SYT1: variants seen among roughly 807,000 people sequenced by gnomAD.
SYT1 encodes the protein synaptotagmin 1.
In SYT1, 8 loss-of-function variants were observed where a neutral mutation model predicts 44.8. The observed-to-expected ratio is 0.18, with a 90% CI of 0.10 to 0.32. SYT1 has a LOEUF of 0.32. SYT1 is among the 10% of genes least tolerant of loss of function. SYT1 has a pLI of 1.00. For missense variants in SYT1, 286 were observed against 509.3 expected (o/e 0.56, Z 4.22); for synonymous variants, 154 against 188.8 (o/e 0.82, Z 1.51).
At chr12:79,134,819 C>G (rs1869076984) in intron 3 of SYT1, among the ~76,000 whole-genome samples, 1 of 151,846 alleles carries the variant, frequency 6.6e-6, no homozygotes, top group African/African-American at 2.4e-5. Flanking sequence ...TCTCCAGGGG[C>G]CACCTGGAGA....
chr12:78,898,767 G>A (rs1402535338), intron 1 of SYT1, among the ~76,000 whole-genome samples: 1 of 152,046 alleles, frequency 6.6e-6, no homozygotes, highest in East Asian at 1.9e-4. Flanking sequence ...AATTTACAGT[G>A]AAGAAGAAAC....
chr12:79,190,562 T>G (rs192463151), intron 3 of SYT1, among the ~76,000 whole-genome samples: 1 of 152,256 alleles, frequency 6.6e-6, no homozygotes, highest in East Asian at 1.9e-4. Context: ...ACCATCCTAG[T>G]GCAGTACTCC....
intron 1 of SYT1, among the ~76,000 whole-genome samples, chr12:78,967,785 C>T (rs970804559): frequency 1.3e-5 from 2 of 151,596 alleles, no homozygotes; most frequent in Non-Finnish European, 2.9e-5. Flanking sequence ...AGGAAAGTGC[C>T]GAGGATAAAA....
At chr12:79,009,074 T>G (rs1871264020) in intron 2 of SYT1, among the ~76,000 whole-genome samples, 1 of 152,200 alleles carries the variant, frequency 6.6e-6, no homozygotes, top group African/African-American at 2.4e-5. Context: ...ATATGAGTTG[T>G]TCACTTTCAT....
rs1360832836 is a variant in SYT1 at position 79,292,028 on chromosome 12, T to A, written c.372T>A (p.Ala124=). 6 of 1,613,810 alleles carry A rather than the reference T, an allele frequency of 3.7e-6. No homozygotes were observed. The highest frequency in any genetic ancestry group is 5.1e-6 in the Non-Finnish European group (6 of 1,180,010). Residue 124 remains alanine, a synonymous_variant, in exon 6 of 11, where the codon GCT becomes GCA. Transcript: ENST00000261205. The part of the protein sequence containing the change: ...MKDQALKDDD[A]ETGLTDGEEK... ...CATAGGCCCTCAAGGATGATGATGC[T>A]GAAACTGGATTGACAGATGGAGAAG...
chr12:79,051,709 C>T (rs1261779000), intron 3 of SYT1, among the ~76,000 whole-genome samples: 2 of 151,886 alleles, frequency 1.3e-5, no homozygotes, highest in African/African-American at 4.8e-5. Flanking sequence ...AGCATACTTC[C>T]CAAGATTCTC....
chr12:79,341,171 A>G (rs1263285760), intron 8 of SYT1: 1 of 152,216 alleles, frequency 6.6e-6, no homozygotes, highest in Non-Finnish European at 1.5e-5. Context: ...CAGATTTTTA[A>G]GTGGATCACT....
chr12:79,249,942 A>G (rs980253909), intron 4 of SYT1, among the ~76,000 whole-genome samples: 1 of 152,096 alleles, frequency 6.6e-6, no homozygotes, highest in African/African-American at 2.4e-5. Flanking sequence ...AAGTCCCCAG[A>G]CCAAATAAAA....
intron 3 of SYT1, among the ~76,000 whole-genome samples, chr12:79,125,666 C>T (rs1868395625): frequency 6.6e-6 from 1 of 151,506 alleles, no homozygotes; most frequent in Non-Finnish European, 1.5e-5. Context: ...TCAGAGTTCT[C>T]AGCATATTTA....
At chr12:78,888,988 T>G (rs1874896893) in intron 1 of SYT1, among the ~76,000 whole-genome samples, 1 of 151,958 alleles carries the variant, frequency 6.6e-6, no homozygotes, top group African/African-American at 2.4e-5. Context: ...AAAGCTTTTC[T>G]TTGCTCCGAA....
chr12:79,151,844 G>A (rs755238173), intron 3 of SYT1, among the ~76,000 whole-genome samples: 5 of 152,138 alleles, frequency 3.3e-5, no homozygotes, highest in South Asian at 2.1e-4. Flanking sequence ...ATGTGCTGAC[G>A]AGAGAAGGGA....
chr12:78,955,803 TG>T (rs1879182567), intron 1 of SYT1, among the ~76,000 whole-genome samples: 1 of 99,858 alleles, frequency 1.0e-5, no homozygotes, highest in Admixed American at 9.4e-5. Context: ...AAGATATTTG[TG>T]TGTGTGTGTG....
At chr12:79,249,953 A>T (rs957234876) in intron 4 of SYT1, among the ~76,000 whole-genome samples, 10 of 152,200 alleles carry the variant, frequency 6.6e-5, no homozygotes, top group Middle Eastern at 6.3e-3. Context: ...CCAAATAAAA[A>T]AAAAATAGGG....
intron 2 of SYT1, among the ~76,000 whole-genome samples, chr12:78,994,630 A>G (rs1329263432): frequency 6.9e-6 from 1 of 144,944 alleles, no homozygotes; most frequent in Non-Finnish European, 1.5e-5. Flanking sequence ...CCACCCTCTG[A>G]GTTCAAGCGA....
At chr12:78,988,308 T>C (rs1232054335) in intron 2 of SYT1, among the ~76,000 whole-genome samples, 1 of 150,950 alleles carries the variant, frequency 6.6e-6, no homozygotes, top group Non-Finnish European at 1.5e-5. Flanking sequence ...CTATGTTATA[T>C]ACTATGTTAT....
At chr12:79,048,329 C>T (rs1874224471) in intron 3 of SYT1, among the ~76,000 whole-genome samples, 1 of 151,566 alleles carries the variant, frequency 6.6e-6, no homozygotes, top group Admixed American at 6.6e-5. Context: ...ACAAATTATT[C>T]CTGCATAATA....
intron 1 of SYT1, among the ~76,000 whole-genome samples, chr12:78,928,587 T>C (rs1877436295): frequency 6.6e-6 from 1 of 152,128 alleles, no homozygotes; most frequent in African/African-American, 2.4e-5. Context: ...TTTGGGGTTA[T>C]TCTGAAGTCA....
At chr12:78,915,377 T>C (rs4842436) in intron 1 of SYT1, among the ~76,000 whole-genome samples, 116,040 of 151,932 alleles carry the variant, frequency 0.76, 44,875 homozygotes, top group African/African-American at 0.87. Context: ...ATAGCCAAGG[T>C]TAAGAACCAC....
chr12:78,892,585 A>T (rs1238728175), intron 1 of SYT1, among the ~76,000 whole-genome samples: 7 of 151,704 alleles, frequency 4.6e-5, no homozygotes, highest in Non-Finnish European at 8.8e-5. Context: ...TGGCAAATAA[A>T]TAGAAGACTT....
Sources: gnomAD v4.1 joint callset for allele counts (sites outside exome capture counted in the v4.1 genomes callset) on GRCh38, gnomAD v4.1.1 for gene constraint, MANE v1.5 for transcripts, NCBI Gene and HGNC (gene_info 2026-07-23, HGNC 2026-07-21) for gene names.